Variants in SYNRG observed in about 807,000 individuals in gnomAD.
The protein encoded by SYNRG is synergin gamma.
Under a neutral mutation model 130.9 loss-of-function variants are expected in SYNRG, and 37 were observed. That is an observed-to-expected ratio of 0.28 (90% CI 0.22 to 0.37). The LOEUF (loss-of-function observed/expected upper bound fraction) is 0.37, where lower values mean the gene tolerates loss of function less well. SYNRG is among the 10% of genes least tolerant of loss of function. The pLI, the probability that SYNRG is intolerant of heterozygous loss-of-function variation, is 1.00. For synonymous variants in SYNRG, 539 were observed against 568.1 expected (o/e 0.95, Z 0.73); for missense variants, 1,338 against 1,588.9 (o/e 0.84, Z 2.68).
chr17:37,604,855 G>A (rs1164847344), intron 1 of SYNRG, among the ~76,000 whole-genome samples: 2 of 152,152 alleles, frequency 1.3e-5, no homozygotes, highest in African/African-American at 4.8e-5. Flanking sequence ...GGAATATGGA[G>A]GCCCTTGGAG....
rs779309485 is a variant in SYNRG, at chr17:37,561,535, G to T, written c.1536C>A (p.Asp512Glu). The T allele has an allele frequency of 2.5e-6, 4 of 1,613,668 alleles. No individual in the cohort carries two copies. In the South Asian group the frequency reaches 3.3e-5, roughly 13 times the overall value. The change falls in exon 12 of 22, where the codon GAC becomes GAA. Residue 512 changes from aspartate (D) to glutamate (E), a missense_variant. Around this residue, in one of 3 missense-constraint regions of SYNRG, gnomAD observed 1,146 missense variants for 1,342.3 expected, o/e 0.85. Coordinates refer to ENST00000612223, the MANE Select transcript of SYNRG (RefSeq NM_007247.6). ...CAATTCCTTTAAACACAGCATATTTGTCCATTGAAGGCAATGCTTTAGTTC... is the reference window on the plus strand; with the variant it reads ...CAATTCCTTTAAACACAGCATATTTTTCCATTGAAGGCAATGCTTTAGTTC... ...LPGTKALPSM[D>E]KYAVFKGIAA...
chr17:37,584,568 A>G (rs369519909), intron 6 of SYNRG, 80 bp downstream of exon 6: 21 of 1,116,624 alleles, frequency 1.9e-5, no homozygotes, highest in Middle Eastern at 4.0e-4. Flanking sequence ...TCACACACAC[A>G]TATAATGGCG....
At chr17:37,580,510 T>TGTGTGAGAGAGAGAGA (rs1384344164) in intron 6 of SYNRG, among the ~76,000 whole-genome samples, 1 of 127,660 alleles carries the variant, frequency 7.8e-6, no homozygotes, top group African/African-American at 3.6e-5. Flanking sequence ...TGTGTGTGTG[T>TGTGTGAGAGAGAGAGA]GAGAGAGAGA....
chr17:37,602,421 TGG>T lies in SYNRG; in HGVS notation c.78-2020_78-2019del, dbSNP rs1242151828. Among the ~76,000 whole-genome samples, 3 of 152,058 alleles carry T rather than the reference TGG, an allele frequency of 2.0e-5. No homozygotes were observed. The East Asian group carries it at 5.8e-4, about 29-fold the overall frequency. ...GTAACAAAACAACTAAGGACAAACTTGGAGAATTCTTGCAGTGAAAACTGAGT... is the reference window on the plus strand; with the variant it reads ...GTAACAAAACAACTAAGGACAAACTTAGAATTCTTGCAGTGAAAACTGAGT... On this transcript the variant is annotated intron_variant, in intron 1 of 21. Coordinates refer to ENST00000612223, the MANE Select transcript of SYNRG (RefSeq NM_007247.6).
At chr17:37,583,738 G>C (rs2061498012) in intron 6 of SYNRG, among the ~76,000 whole-genome samples, 1 of 152,176 alleles carries the variant, frequency 6.6e-6, no homozygotes, top group African/African-American at 2.4e-5. Context: ...TGATGCCTAA[G>C]CTGGAGCGGG....
chr17:37,535,929 C>A, intron 19 of SYNRG, 50 bp downstream of exon 19: 1 of 1,608,144 alleles, frequency 6.2e-7, no homozygotes, highest in Non-Finnish European at 8.5e-7. Flanking sequence ...TGCTTTACAA[C>A]TTAGGTTTCT....
Position 37,556,210 on chromosome 17 carries a change from A to G in SYNRG, c.1664-2151T>C, listed in dbSNP as rs532568481. On this transcript the variant is annotated intron_variant, in intron 13 of 21. Transcript: ENST00000612223. ...CACGACTGTAATCCCTGCACTTTGG[A>G]AGGCCAAGGCGGGTGGGTCACCTGA... Among the ~76,000 whole-genome samples the G allele has an allele frequency of 4.6e-3, 694 of 152,222 alleles. 6 individuals carry two copies. The highest frequency in any genetic ancestry group is 0.016 in the African/African-American group (666 of 41,548).
At chr17:37,538,614 GAGACGGA>G (rs1315372931) in intron 17 of SYNRG, among the ~76,000 whole-genome samples, 194 bp from the exon 18 acceptor site, 1 of 152,174 alleles carries the variant, frequency 6.6e-6, no homozygotes, top group Non-Finnish European at 1.5e-5. Flanking sequence ...GCTTTGTTTT[GAGACGGA>G]GTCTCGCTCT....
chr17:37,584,086 C>T (rs2061524807), intron 6 of SYNRG, among the ~76,000 whole-genome samples: 1 of 152,170 alleles, frequency 6.6e-6, no homozygotes. Flanking sequence ...AACAACCAAA[C>T]CCCAACCTCC....
At chr17:37,527,907 T>C (rs913627315) in intron 19 of SYNRG, among the ~76,000 whole-genome samples, 2 of 152,182 alleles carry the variant, frequency 1.3e-5, no homozygotes, top group African/African-American at 4.8e-5. Context: ...TACCCTGCCT[T>C]CCTTAGCCCA....
chr17:37,554,861 T>C (rs2058990394), intron 13 of SYNRG, among the ~76,000 whole-genome samples: 1 of 152,154 alleles, frequency 6.6e-6, no homozygotes, highest in Non-Finnish European at 1.5e-5. Context: ...ACCAACTCTA[T>C]TATATAAAGT....
Position 37,574,230 on chromosome 17 carries a change from T to A in SYNRG, c.901+2111A>T, listed in dbSNP as rs182396974. Among the ~76,000 whole-genome samples the A allele has an allele frequency of 1.1e-3, 174 of 151,992 alleles. 1 individual carries two copies. In the Middle Eastern group the frequency reaches 0.014, roughly 12 times the overall value. ...TGCAGAAGAATAAAACTAGACCCCA[T>A]CCCACACCAAATAAAAAAATCAAAT... On this transcript the variant is annotated intron_variant, in intron 8 of 21. Coordinates refer to ENST00000612223, the MANE Select transcript of SYNRG (RefSeq NM_007247.6).
At position 37,585,831 on chromosome 17, in the gene SYNRG, G is replaced by C. The variant is rs77738672; in HGVS notation, c.372-401C>G. Among the ~76,000 whole-genome samples the C allele has an allele frequency of 6.8e-4, 103 of 152,294 alleles. No individual in the cohort carries two copies. In the East Asian group the frequency reaches 0.014, roughly 21 times the overall value. ...TAATGATTTGGGAATCAGGAAGCCTGCCTTTGGGTCCAGGCTTTGCTGGTA... is the reference window on the plus strand; with the variant it reads ...TAATGATTTGGGAATCAGGAAGCCTCCCTTTGGGTCCAGGCTTTGCTGGTA... On this transcript the variant is annotated intron_variant, in intron 4 of 21. Coordinates refer to ENST00000612223, the MANE Select transcript of SYNRG (RefSeq NM_007247.6).
chr17:37,599,059 G>A (rs2063031272), intron 2 of SYNRG, among the ~76,000 whole-genome samples: 1 of 152,218 alleles, frequency 6.6e-6, no homozygotes, highest in African/African-American at 2.4e-5. Flanking sequence ...GTCAGGATGA[G>A]CCACTGACCA....
At position 37,542,445 on chromosome 17, in the gene SYNRG, G is replaced by A. The variant is rs1199868116; in HGVS notation, c.2729C>T (p.Pro910Leu). The change falls in exon 15 of 22, where the codon CCA (proline) becomes CTA (leucine). Residue 910 changes from proline to leucine, a missense_variant. Around this residue, in one of 3 missense-constraint regions of SYNRG, gnomAD observed 1,146 missense variants for 1,342.3 expected, o/e 0.85. Transcript: ENST00000612223. Reference protein sequence around the residue: ...DDATQGRKLSPFVLSAGSGSP... With the variant: ...DDATQGRKLSLFVLSAGSGSP... ...TCCACTTCCTGCTGAGAGGACAAAT[G>A]GAGAGAGTTTTCTGCCCTGAGTTGC... is the stretch of plus-strand genomic sequence containing the variant. 1 of 1,614,048 alleles carries A rather than the reference G, an allele frequency of 6.2e-7. No homozygotes were observed. The highest frequency in any genetic ancestry group is 8.5e-7 in the Non-Finnish European group (1 of 1,180,042).
chr17:37,533,338 T>C (rs1725333463), intron 19 of SYNRG, among the ~76,000 whole-genome samples: 1 of 148,308 alleles, frequency 6.7e-6, no homozygotes, highest in Non-Finnish European at 1.5e-5. Flanking sequence ...GAGGTGGAGG[T>C]TGCAGTGAGC....
intron 13 of SYNRG, among the ~76,000 whole-genome samples, chr17:37,560,171 A>G (rs1026865367): frequency 7.9e-5 from 12 of 152,046 alleles, no homozygotes; most frequent in Non-Finnish European, 4.4e-5. Flanking sequence ...CTGGCCTCCC[A>G]AAGTGCTGGA....
intron 13 of SYNRG, 121 bp downstream of exon 13, chr17:37,561,074 C>G (rs1321474404): frequency 2.5e-6 from 2 of 808,174 alleles, no homozygotes; most frequent in East Asian, 5.2e-5. Context: ...CAGTTTTTTT[C>G]TCCTAAACAC....
At chr17:37,559,490 G>C (rs1230635964) in intron 13 of SYNRG, among the ~76,000 whole-genome samples, 4 of 152,160 alleles carry the variant, frequency 2.6e-5, no homozygotes, top group Non-Finnish European at 4.4e-5. Flanking sequence ...AGGAGTTTCA[G>C]ACCAGCCTGG....
Sources: gnomAD v4.1 joint callset for allele counts (sites outside exome capture counted in the v4.1 genomes callset) on GRCh38, gnomAD v4.1.1 for gene constraint, gnomAD v4.1.1 regional missense constraint, MANE v1.5 for transcripts, NCBI Gene and HGNC (gene_info 2026-07-23, HGNC 2026-07-21) for gene names.